The following HS3ST5 variants were observed in gnomAD, a reference collection of about 807,000 sequenced individuals.
HS3ST5 encodes heparan sulfate-glucosamine 3-sulfotransferase 5, also known as heparan sulfate glucosamine 3-O-sulfotransferase 5.
HS3ST5 carries 10 observed loss-of-function variants against 25.4 expected under a neutral mutation model. The ratio of observed to expected loss-of-function variants is 0.39; its 90% CI spans 0.24 to 0.67. The LOEUF (loss-of-function observed/expected upper bound fraction) is 0.67, where lower values mean the gene tolerates loss of function less well. Ranked by LOEUF, HS3ST5 falls within the 30% of genes least tolerant of loss-of-function variation. HS3ST5 has a pLI of 0.44. For missense variants in HS3ST5, 324 were observed against 420.7 expected (o/e 0.77, Z 2.01); for synonymous variants, 170 against 162.4 (o/e 1.05, Z -0.36).
chr6:114,078,605 A>T (rs1774277728), intron 3 of HS3ST5, among the ~76,000 whole-genome samples: 1 of 152,218 alleles, frequency 6.6e-6, no homozygotes, highest in Non-Finnish European at 1.5e-5. Context: ...AAGAGACACA[A>T]GATATTTTAT....
At chr6:114,259,663 G>A (rs536170896) in intron 1 of HS3ST5, among the ~76,000 whole-genome samples, 1 of 152,312 alleles carries the variant, frequency 6.6e-6, no homozygotes, top group Admixed American at 6.5e-5. Flanking sequence ...AATGTGGTAC[G>A]TCAATGTATT....
At chr6:114,184,989 T>C (rs1182675644) in intron 2 of HS3ST5, among the ~76,000 whole-genome samples, 1 of 152,194 alleles carries the variant, frequency 6.6e-6, no homozygotes, top group Admixed American at 6.5e-5. Context: ...TACGGGTTCA[T>C]AGCTGGAGAA....
intron 2 of HS3ST5, among the ~76,000 whole-genome samples, chr6:114,190,616 T>C (rs1276003971): frequency 6.6e-6 from 1 of 152,172 alleles, no homozygotes; most frequent in Admixed American, 6.6e-5. Context: ...CTGATACGTA[T>C]TTGTCAACTG....
At chr6:114,114,014 T>C (rs1776398290) in intron 3 of HS3ST5, among the ~76,000 whole-genome samples, 1 of 152,142 alleles carries the variant, frequency 6.6e-6, no homozygotes, top group Admixed American at 6.6e-5. Flanking sequence ...CTCAAATGAA[T>C]AGTTTATACC....
intron 3 of HS3ST5, among the ~76,000 whole-genome samples, chr6:114,114,588 T>G (rs1483164231): frequency 6.6e-6 from 1 of 152,130 alleles, no homozygotes; most frequent in Non-Finnish European, 1.5e-5. Context: ...ACAAAACTGC[T>G]CTTTAAAATC....
chr6:114,190,926 A>G (rs1780470241), intron 2 of HS3ST5, among the ~76,000 whole-genome samples: 1 of 152,136 alleles, frequency 6.6e-6, no homozygotes, highest in Admixed American at 6.6e-5. Flanking sequence ...TTTCCACTTA[A>G]CATGTATATT....
At chr6:114,221,617 A>C (rs2114490848) in intron 2 of HS3ST5, among the ~76,000 whole-genome samples, 1 of 151,500 alleles carries the variant, frequency 6.6e-6, no homozygotes, top group South Asian at 2.1e-4. Flanking sequence ...AAAATGGATA[A>C]TTTTAAAAAG....
chr6:114,180,534 G>A (rs1779925828), intron 2 of HS3ST5, among the ~76,000 whole-genome samples: 1 of 152,120 alleles, frequency 6.6e-6, no homozygotes, highest in African/African-American at 2.4e-5. Context: ...GCCACAGACT[G>A]AAGGCTGCAC....
chr6:114,199,025 G>A (rs987102993), intron 2 of HS3ST5, among the ~76,000 whole-genome samples: 2 of 152,058 alleles, frequency 1.3e-5, no homozygotes, highest in African/African-American at 4.8e-5. Context: ...TAGATACCAA[G>A]GCACTTCCAA....
intron 3 of HS3ST5, among the ~76,000 whole-genome samples, chr6:114,092,553 A>C (rs576545056): frequency 6.6e-6 from 1 of 152,302 alleles, no homozygotes; most frequent in African/African-American, 2.4e-5. Context: ...GGATAGCTAC[A>C]AGTTGGCAGC....
rs1002426983 is a variant in HS3ST5 at position 114,056,916 on chromosome 6, T to G, written c.*341A>C. The G allele has an allele frequency of 1.0e-5, 2 of 199,910 alleles. No individual in the cohort carries two copies. Among genetic ancestry groups the G allele is most frequent in the African/African-American group, 4.6e-5 (2 of 43,394 alleles). The allele number at this position is 199,910 out of a possible 1,614,324, so 12.4% of individuals were successfully genotyped here. A position where few individuals can be genotyped will look rare whatever the true frequency, so the allele number is the denominator to read the frequency against. On this transcript the variant is annotated 3_prime_UTR_variant, in exon 5 of 5. Coordinates refer to ENST00000312719, the MANE Select transcript of HS3ST5 (RefSeq NM_153612.4). ...AGCCATTGGTACATTTTCACACATT[T>G]ATCTTTTGGCTTAAATCTATGAAAA...
At chr6:114,318,303 A>G (rs1017279123) in intron 1 of HS3ST5, among the ~76,000 whole-genome samples, 1 of 152,116 alleles carries the variant, frequency 6.6e-6, no homozygotes, top group African/African-American at 2.4e-5. Flanking sequence ...CTCAACTTCA[A>G]TCCCTTCATT....
At chr6:114,087,859 G>A (rs1455907206) in intron 3 of HS3ST5, among the ~76,000 whole-genome samples, 1 of 151,992 alleles carries the variant, frequency 6.6e-6, no homozygotes, top group East Asian at 1.9e-4. Context: ...GCCTCATTCA[G>A]CTGCCTAAAA....
chr6:114,200,266 T>A (rs1194312575), intron 2 of HS3ST5, among the ~76,000 whole-genome samples: 1 of 152,200 alleles, frequency 6.6e-6, no homozygotes, highest in African/African-American at 2.4e-5. Context: ...TTTCCTCTGG[T>A]TAAAGACAAT....
intron 1 of HS3ST5, among the ~76,000 whole-genome samples, chr6:114,243,113 T>C (rs1045490664): frequency 6.6e-6 from 1 of 152,112 alleles, no homozygotes; most frequent in Non-Finnish European, 1.5e-5. Context: ...TCCAGCCTAA[T>C]CCCCAGCTGA....
intron 3 of HS3ST5, among the ~76,000 whole-genome samples, chr6:114,134,956 G>A (rs1023864338): frequency 6.6e-6 from 1 of 152,228 alleles, no homozygotes; most frequent in Non-Finnish European, 1.5e-5. Context: ...CGGCACAAGG[G>A]TTGCACAGGG....
intron 3 of HS3ST5, among the ~76,000 whole-genome samples, chr6:114,110,875 CAATT>C (rs1265845280): frequency 2.0e-5 from 3 of 152,170 alleles, no homozygotes; most frequent in Non-Finnish European, 4.4e-5. Context: ...TATTTTCTAA[CAATT>C]AAACAACCAA....
intron 1 of HS3ST5, among the ~76,000 whole-genome samples, chr6:114,284,066 G>A (rs1334065737): frequency 4.0e-5 from 6 of 151,780 alleles, no homozygotes. Context: ...AATCTTAAAT[G>A]TTCAACATTA....
chr6:114,208,420 C>T (rs1781372060), intron 2 of HS3ST5, among the ~76,000 whole-genome samples: 3 of 152,180 alleles, frequency 2.0e-5, no homozygotes, highest in African/African-American at 7.2e-5. Context: ...TTCACCCAGA[C>T]AATTATTGTC....
Sources: gnomAD v4.1 joint callset for allele counts (sites outside exome capture counted in the v4.1 genomes callset) on GRCh38, gnomAD v4.1.1 for gene constraint, MANE v1.5 for transcripts, NCBI Gene and HGNC (gene_info 2026-07-23, HGNC 2026-07-21) for gene names.